CLIP2: variants seen among roughly 807,000 people sequenced by gnomAD.
The protein encoded by CLIP2 is CAP-Gly domain-containing linker protein 2.
In CLIP2, 41 loss-of-function variants were observed where a neutral mutation model predicts 111.7. The ratio of observed to expected loss-of-function variants is 0.37; its 90% CI spans 0.29 to 0.48. The LOEUF (loss-of-function observed/expected upper bound fraction) is 0.48, where lower values mean the gene tolerates loss of function less well. Ranked by LOEUF, CLIP2 falls within the 20% of genes least tolerant of loss-of-function variation. The pLI is 0.99. For missense variants in CLIP2, 1,160 were observed against 1,422.1 expected, an observed-to-expected ratio of 0.82 and a Z score of 2.96; for synonymous variants, 660 against 644.2, an observed-to-expected ratio of 1.02 and a Z score of -0.37.
chr7:74,375,445 C>T (rs1312164158), intron 9 of CLIP2, among the ~76,000 whole-genome samples: 10 of 137,950 alleles, frequency 7.2e-5, no homozygotes, highest in Admixed American at 5.7e-4. Context: ...CCCAGCTACT[C>T]GGGAGGCTGA....
At chr7:74,400,670 G>A (rs1256795825) in intron 15 of CLIP2, 115 bp downstream of exon 15, 1 of 1,070,330 alleles carries the variant, frequency 9.3e-7, no homozygotes, top group African/African-American at 1.6e-5. Flanking sequence ...GAGGAGGTAG[G>A]GAGCTCGTCC....
Position 74,338,865 on chromosome 7 carries a change from T to G in CLIP2, c.539T>G (p.Leu180Arg), listed in dbSNP as rs1554732753. The change falls in exon 3 of 17, where the codon CTG (leucine) becomes CGG (arginine). Residue 180 changes from leucine (L) to arginine (R), a missense_variant. Physicochemically the swap from Leu to Arg is moderately radical, Grantham distance 102. This residue lies in a region of CLIP2 where 301 missense variants were observed against 315.2 expected (regional missense o/e 0.96). Coordinates refer to ENST00000223398, the MANE Select transcript of CLIP2 (RefSeq NM_003388.5). This position sits in a 1 kb window ranked among gnomAD's most constrained non-coding sequence, Gnocchi z 4.3. ...CATTCGGGCACGGCCACGCCCCCGC[T>G]GACCAGCCGCGTCATCCCCCTGCGG... Reference protein sequence around the residue: ...SLHSGTATPPLTSRVIPLRES... With the variant: ...SLHSGTATPPRTSRVIPLRES... 1 of 1,608,472 alleles carries G rather than the reference T, an allele frequency of 6.2e-7. No homozygotes were observed. Among genetic ancestry groups the G allele is most frequent in the African/African-American group, 1.3e-5 (1 of 74,938 alleles).
chr7:74,358,464 G>A (rs1790215163), intron 6 of CLIP2, among the ~76,000 whole-genome samples: 1 of 151,874 alleles, frequency 6.6e-6, no homozygotes, highest in Admixed American at 6.6e-5. Context: ...CAAAGTGCTA[G>A]GATTACAGGT....
intron 10 of CLIP2, among the ~76,000 whole-genome samples, chr7:74,379,661 G>A (rs1340835964): frequency 6.6e-6 from 1 of 152,042 alleles, no homozygotes; most frequent in African/African-American, 2.4e-5. Context: ...CTACTCGGGA[G>A]GCTGAGGCAG....
intron 3 of CLIP2, among the ~76,000 whole-genome samples, chr7:74,346,751 TG>T (rs111910849): frequency 8.7e-4 from 116 of 132,940 alleles, no homozygotes; most frequent in African/African-American, 3.1e-3. Context: ...AACAAAACAC[TG>T]GCCATGCACA....
At chr7:74,304,080 A>ATTT (rs112127357) in intron 1 of CLIP2, among the ~76,000 whole-genome samples, 4 of 146,842 alleles carry the variant, frequency 2.7e-5, no homozygotes, top group African/African-American at 7.4e-5. Flanking sequence ...TGCCTGGCTA[A>ATTT]TTTTTTTTTT....
At chr7:74,289,883 C>G (rs1372865746) in intron 1 of CLIP2, 149 bp downstream of exon 1, 5 of 152,980 alleles carry the variant, frequency 3.3e-5, no homozygotes, top group African/African-American at 9.7e-5. Flanking sequence ...TCGAGGCCGG[C>G]CGGTGGGCGT....
chr7:74,385,653 AGCACTG>A (rs1554314645), intron 11 of CLIP2, among the ~76,000 whole-genome samples: 20 of 151,522 alleles, frequency 1.3e-4, no homozygotes, highest in African/African-American at 4.8e-4. Flanking sequence ...TAGCACTGTT[AGCACTG>A]TTATTGTTCT....
intron 4 of CLIP2, among the ~76,000 whole-genome samples, chr7:74,354,635 G>A (rs1226331108): frequency 6.6e-6 from 1 of 151,940 alleles, no homozygotes; most frequent in Non-Finnish European, 1.5e-5. Flanking sequence ...GCCAGGCATG[G>A]TGGCATGCAC....
chr7:74,353,519 G>A (rs1481459131), intron 3 of CLIP2, among the ~76,000 whole-genome samples: 1 of 152,114 alleles, frequency 6.6e-6, no homozygotes, highest in Non-Finnish European at 1.5e-5. Flanking sequence ...CCAAAGTGCT[G>A]GGATTACAGG....
intron 2 of CLIP2, among the ~76,000 whole-genome samples, chr7:74,318,065 G>A (rs1249666162): frequency 6.6e-6 from 1 of 152,032 alleles, no homozygotes; most frequent in Non-Finnish European, 1.5e-5. Flanking sequence ...AGGCGTGGTG[G>A]CAGGTGCCTG....
chr7:74,322,062 G>T (rs1788973165), intron 2 of CLIP2, among the ~76,000 whole-genome samples: 1 of 144,438 alleles, frequency 6.9e-6, no homozygotes, highest in Non-Finnish European at 1.5e-5. Context: ...CACGATCTCA[G>T]CTGATTGCAA....
intron 13 of CLIP2, among the ~76,000 whole-genome samples, chr7:74,392,544 C>CT (rs1369469974): frequency 6.7e-6 from 1 of 150,138 alleles, no homozygotes; most frequent in East Asian, 2.0e-4. Flanking sequence ...AAGTAAAAGG[C>CT]TGAGTGTGGT....
rs1305342955 is a variant in CLIP2, at chr7:74,375,884, C to T, written c.1486-3C>T. 5 of 1,533,678 alleles carry T rather than the reference C, an allele frequency of 3.3e-6. No individual in the cohort carries two copies. The African/African-American group carries it at 6.8e-5, about 21-fold the overall frequency. ...TGATCCCTGTCTCCCTCTCTCCCCA[C>T]AGCTGACCACAGTGGCCGAGAAGTC... On this transcript the variant is annotated splice_polypyrimidine_tract_variant and splice_region_variant and intron_variant, in intron 9 of 16. Coordinates refer to ENST00000223398, the MANE Select transcript of CLIP2 (RefSeq NM_003388.5).
At chr7:74,357,932 C>G (rs1320188565) in intron 6 of CLIP2, among the ~76,000 whole-genome samples, 1 of 149,398 alleles carries the variant, frequency 6.7e-6, no homozygotes, top group Admixed American at 6.7e-5. Flanking sequence ...AATTTTTGTA[C>G]TTTTAGTAGA....
At chr7:74,355,265 G>T (rs1356879818) in intron 4 of CLIP2, among the ~76,000 whole-genome samples, 1 of 152,150 alleles carries the variant, frequency 6.6e-6, no homozygotes, top group East Asian at 1.9e-4. Flanking sequence ...TATGAACAAA[G>T]ACCTGGAGGT....
At chr7:74,310,694 T>A (rs1788620187) in intron 1 of CLIP2, among the ~76,000 whole-genome samples, 1 of 151,998 alleles carries the variant, frequency 6.6e-6, no homozygotes, top group Non-Finnish European at 1.5e-5. Context: ...TTGGGTTATA[T>A]GGGAGGTGTA....
At chr7:74,389,641 G>A (rs1236881196) in intron 13 of CLIP2, among the ~76,000 whole-genome samples, 1 of 149,608 alleles carries the variant, frequency 6.7e-6, no homozygotes, top group African/African-American at 2.5e-5. Flanking sequence ...GCTCACACCT[G>A]TAATCCCAGC....
intron 8 of CLIP2, 123 bp from the exon 9 acceptor site, chr7:74,372,809 G>T: frequency 1.5e-6 from 1 of 668,520 alleles, no homozygotes. Flanking sequence ...CCTTGTTCAC[G>T]GAAGATGACG....
Sources: allele counts gnomAD v4.1 joint callset (sites outside exome capture counted in the v4.1 genomes callset), GRCh38; gene constraint gnomAD v4.1.1; regional missense constraint gnomAD v4.1.1; non-coding constraint Gnocchi (gnomAD v3.1); transcripts MANE v1.5; gene names NCBI Gene and HGNC (gene_info 2026-07-23, HGNC 2026-07-21).